Variants in HEATR4 observed in about 807,000 individuals in gnomAD.
HEATR4 encodes HEAT repeat containing 4.
HEATR4 carries 95 observed loss-of-function variants against 108.8 expected under a neutral mutation model. The observed-to-expected ratio is 0.87, with a 90% CI of 0.74 to 1.04. HEATR4 has a LOEUF of 1.04. Among genes scored for constraint, HEATR4 ranks in the 50% least tolerant of loss-of-function variants. The probability of loss-of-function intolerance (pLI) is 0.00; values close to 1 mark genes in which losing one functional copy is unlikely to be tolerated. For missense variants in HEATR4, 1,152 were observed against 1,253.8 expected, an observed-to-expected ratio of 0.92 and a Z score of 1.23; for synonymous variants, 443 against 459.4, an observed-to-expected ratio of 0.96 and a Z score of 0.46.
intron 8 of HEATR4, 59 bp downstream of exon 8, chr14:73,509,253 G>T: frequency 6.6e-7 from 1 of 1,509,210 alleles, no homozygotes; most frequent in South Asian, 1.1e-5. Context: ...GACTGGGAAA[G>T]CTGATAGTGA....
the HEATR4 span, among the ~76,000 whole-genome samples, chr14:73,605,556 C>CTT: frequency 0.028 from 1,572 of 57,026 alleles, 256 homozygotes; most frequent in Non-Finnish European, 0.047. Flanking sequence ...CTGTAAGATT[C>CTT]TTTTTTTTTT....
Position 73,538,984 on chromosome 14 carries a change from CA to C in HEATR4, c.-151-8741del, listed in dbSNP as rs1424247093. Reference sequence around the variant, plus strand: ...ACTCCATCTAAAACAAAAACAAAAACAAAAAACAAACAACAACAACAAAAAA... The same window carrying C: ...ACTCCATCTAAAACAAAAACAAAAACAAAAACAAACAACAACAACAAAAAA... On this transcript the variant is annotated intron_variant, in intron 1 of 17. Transcript: ENST00000553558. Among the ~76,000 whole-genome samples, 2 of 115,234 alleles carry C rather than the reference CA, an allele frequency of 1.7e-5. 1 individual carries two copies. The highest frequency in any genetic ancestry group is 3.8e-5 in the Non-Finnish European group (2 of 52,682). The allele number at this position is 115,234 out of a possible 152,430, so 75.6% of individuals were successfully genotyped here. A position where few individuals can be genotyped will look rare whatever the true frequency, so the allele number is the denominator to read the frequency against.
intron 1 of HEATR4, among the ~76,000 whole-genome samples, chr14:73,553,640 T>C (rs1889357163): frequency 8.7e-6 from 1 of 114,780 alleles, no homozygotes; most frequent in Non-Finnish European, 1.9e-5. Flanking sequence ...TGCTTTTTTT[T>C]TGTTTTGTTT....
chr14:73,510,606 T>G (rs1362938703), intron 7 of HEATR4, among the ~76,000 whole-genome samples: 2 of 152,138 alleles, frequency 1.3e-5, no homozygotes, highest in Non-Finnish European at 2.9e-5. Context: ...TGGCTAATTT[T>G]TGTATTTTTG....
the HEATR4 span, among the ~76,000 whole-genome samples, chr14:73,580,263 A>G: frequency 2.6e-5 from 4 of 151,918 alleles, no homozygotes; most frequent in Admixed American, 1.3e-4. Flanking sequence ...TGAGTAGCTG[A>G]GACTATAGGT....
chr14:73,572,622 G>A, the HEATR4 span, among the ~76,000 whole-genome samples: 1 of 119,138 alleles, frequency 8.4e-6, no homozygotes, highest in East Asian at 2.9e-4. Context: ...TAAAAGTGTT[G>A]CCTGTAAGGT....
chr14:73,587,307 A>AT, the HEATR4 span, among the ~76,000 whole-genome samples: 1 of 151,732 alleles, frequency 6.6e-6, no homozygotes, highest in Admixed American at 6.6e-5. Flanking sequence ...AATAGGATAT[A>AT]TTTTGACACA....
chr14:73,579,436 G>C, the HEATR4 span, among the ~76,000 whole-genome samples: 19 of 145,004 alleles, frequency 1.3e-4, no homozygotes, highest in African/African-American at 4.3e-4. Context: ...TTAGCCGAGC[G>C]TGGTGCTGGG....
At chr14:73,587,149 A>C in the HEATR4 span, among the ~76,000 whole-genome samples, 1 of 151,486 alleles carries the variant, frequency 6.6e-6, no homozygotes, top group South Asian at 2.1e-4. Context: ...AAACAAAAAC[A>C]AAAAAAAGAT....
At chr14:73,501,800 C>T (rs1042264903) in intron 11 of HEATR4, among the ~76,000 whole-genome samples, 38 of 151,902 alleles carry the variant, frequency 2.5e-4, no homozygotes, top group African/African-American at 8.9e-4. Flanking sequence ...GTCGCCCAGG[C>T]TGGAGTACAG....
In HEATR4 at chr14:73,509,810, C is replaced by CTATATATATATATATA. The variant is rs1887091045; in HGVS notation, c.1559-338_1559-337insTATATATATATATATA. Among the ~76,000 whole-genome samples, 2 of 63,198 alleles carry CTATATATATATATATA rather than the reference C, an allele frequency of 3.2e-5. 1 individual carries two copies. The highest frequency in any genetic ancestry group is 6.1e-5 in the Non-Finnish European group (2 of 32,722). 41.5% of individuals were successfully genotyped at this position (63,198 alleles called of 152,430 possible). Reference sequence around the variant, plus strand: ...AAAGCAACCAATTTGCCCCATGAGCCCATATATATATATATATATATATAT... The same window carrying CTATATATATATATATA: ...AAAGCAACCAATTTGCCCCATGAGCCTATATATATATATATACATATATATATATATATATATATAT... On this transcript the variant is annotated intron_variant, in intron 7 of 17. Transcript: ENST00000553558.
At chr14:73,598,228 A>AC in the HEATR4 span, among the ~76,000 whole-genome samples, 1 of 146,712 alleles carries the variant, frequency 6.8e-6, no homozygotes, top group African/African-American at 2.5e-5. Flanking sequence ...AAAAAAAAAA[A>AC]AAAAAAAAAA....
the HEATR4 span, chr14:73,580,799 G>C: frequency 6.6e-6 from 1 of 152,138 alleles, no homozygotes; most frequent in Middle Eastern, 3.4e-3. Flanking sequence ...GCACAGAATG[G>C]GAAAAGAAAG....
the HEATR4 span, chr14:73,567,929 A>G: frequency 6.6e-6 from 1 of 152,264 alleles, no homozygotes; most frequent in Non-Finnish European, 1.5e-5. Flanking sequence ...TCTGAACATC[A>G]GAGGAAACAA....
chr14:73,505,802 G>A lies in HEATR4; in HGVS notation c.1986+665C>T, dbSNP rs1368276639. Among the ~76,000 whole-genome samples, 5 of 151,818 alleles carry A rather than the reference G, an allele frequency of 3.3e-5. No homozygotes were observed. In the East Asian group the frequency reaches 9.7e-4, roughly 29 times the overall value. ...CAGTGCTTCTCGAATGATCTTTGAT[G>A]AAGAACCAATTTTGGCGGGGGGGAA... On this transcript the variant is annotated intron_variant, in intron 10 of 17. Transcript: ENST00000553558.
chr14:73,526,045 G>A (rs1424124605), intron 2 of HEATR4, among the ~76,000 whole-genome samples: 1 of 151,998 alleles, frequency 6.6e-6, no homozygotes, highest in Non-Finnish European at 1.5e-5. Context: ...AAGAGGCACT[G>A]AAGAGGGTGG....
intron 6 of HEATR4, 83 bp from the exon 7 acceptor site, chr14:73,512,232 C>A: frequency 6.7e-7 from 1 of 1,488,360 alleles, no homozygotes. Flanking sequence ...AAGAAGTCTG[C>A]CCTTCACCCA....
At chr14:73,592,718 T>C in the HEATR4 span, among the ~76,000 whole-genome samples, 1 of 152,076 alleles carries the variant, frequency 6.6e-6, no homozygotes, top group Non-Finnish European at 1.5e-5. Context: ...TCCAGCCTGG[T>C]GGCACACGCC....
chr14:73,612,462 G>T, the HEATR4 span: 1 of 715,012 alleles, frequency 1.4e-6, no homozygotes. Context: ...CAACCAATGG[G>T]AGTAGTGTTA....
Sources: gnomAD v4.1 joint callset for allele counts (sites outside exome capture counted in the v4.1 genomes callset) on GRCh38, gnomAD v4.1.1 for gene constraint, MANE v1.5 for transcripts, NCBI Gene and HGNC (gene_info 2026-07-23, HGNC 2026-07-21) for gene names.